Variants in LUC7L2 observed in about 807,000 individuals in gnomAD.
LUC7L2 encodes LUC7 like 2, pre-mRNA splicing factor.
In LUC7L2, 25 loss-of-function variants were observed where a neutral mutation model predicts 52.8. That is an observed-to-expected ratio of 0.47 (90% CI 0.34 to 0.66). The LOEUF (loss-of-function observed/expected upper bound fraction) is 0.66. LUC7L2 is among the 30% of genes least tolerant of loss of function. The pLI, the probability that LUC7L2 is intolerant of heterozygous loss-of-function variation, is 0.01. For synonymous variants in LUC7L2, 144 were observed against 160.9 expected (o/e 0.89, Z 0.80); for missense variants, 328 against 497.8 (o/e 0.66, Z 3.25).
At chr7:139,362,756 C>T (rs1209657853) in intron 1 of LUC7L2, among the ~76,000 whole-genome samples, 1 of 151,824 alleles carries the variant, frequency 6.6e-6, no homozygotes, top group Admixed American at 6.6e-5. Flanking sequence ...GGCACAGAGT[C>T]CTGGGGCTTT....
chr7:139,391,778 G>A (rs1162402540), intron 2 of LUC7L2, among the ~76,000 whole-genome samples: 1 of 151,990 alleles, frequency 6.6e-6, no homozygotes, highest in Admixed American at 6.6e-5. Flanking sequence ...GTAGAGACGG[G>A]GTTTCACCAT....
At chr7:139,385,728 G>C (rs1367513997) in intron 2 of LUC7L2, among the ~76,000 whole-genome samples, 1 of 152,172 alleles carries the variant, frequency 6.6e-6, no homozygotes, top group African/African-American at 2.4e-5. Context: ...GTCTAGTACT[G>C]GTTAATATAT....
At chr7:139,360,345 G>A in intron 1 of LUC7L2, 23 bp downstream of exon 1, 1 of 1,551,548 alleles carries the variant, frequency 6.4e-7, no homozygotes, top group Non-Finnish European at 8.7e-7. Flanking sequence ...CAGGGCCCTG[G>A]GGGTGGGGGA....
At chr7:139,409,348 G>T (rs1264329706) in intron 6 of LUC7L2, among the ~76,000 whole-genome samples, 2 of 151,686 alleles carry the variant, frequency 1.3e-5, no homozygotes, top group East Asian at 3.9e-4. Flanking sequence ...ATGGAGAAAG[G>T]TGAAATTTTA....
At chr7:139,367,607 A>C (rs926945602) in intron 1 of LUC7L2, among the ~76,000 whole-genome samples, 2 of 152,206 alleles carry the variant, frequency 1.3e-5, no homozygotes, top group African/African-American at 2.4e-5. Context: ...CTTTTGTGCA[A>C]ATCTCATACT....
At chr7:139,421,291 T>G (rs1795893545) in intron 9 of LUC7L2, among the ~76,000 whole-genome samples, 2 of 152,186 alleles carry the variant, frequency 1.3e-5, no homozygotes, top group Non-Finnish European at 2.9e-5. Flanking sequence ...TGAATATGGG[T>G]TGAGTGAGAT....
chr7:139,419,157 G>A (rs890895254), intron 9 of LUC7L2, among the ~76,000 whole-genome samples: 24 of 151,498 alleles, frequency 1.6e-4, no homozygotes, highest in African/African-American at 4.4e-4. Flanking sequence ...AGTCTCCTAT[G>A]TGAGTTAGAA....
chr7:139,350,515 C>T (rs1191753416), intron 1 of LUC7L2, among the ~76,000 whole-genome samples: 2 of 151,910 alleles, frequency 1.3e-5, no homozygotes, highest in Non-Finnish European at 2.9e-5. Flanking sequence ...GTCTGGTTTC[C>T]GCCCCTCTAC....
intron 2 of LUC7L2, among the ~76,000 whole-genome samples, chr7:139,397,212 C>A (rs1037078526): frequency 1.3e-5 from 2 of 152,176 alleles, no homozygotes; most frequent in Non-Finnish European, 2.9e-5. Context: ...TCTAAATCTT[C>A]TGTACAACCT....
At chr7:139,406,934 G>A (rs1425828012) in intron 5 of LUC7L2, among the ~76,000 whole-genome samples, 3 of 148,154 alleles carry the variant, frequency 2.0e-5, no homozygotes, top group Admixed American at 6.7e-5. Flanking sequence ...GGAGAGAGGC[G>A]CTAAGGATAG....
chr7:139,398,551 T>C (rs1347439003), intron 2 of LUC7L2, 48 bp from the exon 3 acceptor site: 1 of 1,514,354 alleles, frequency 6.6e-7, no homozygotes, highest in Non-Finnish European at 8.9e-7. Context: ...GAAGCATTTT[T>C]TAAAAAACTT....
intron 4 of LUC7L2, among the ~76,000 whole-genome samples, chr7:139,403,481 A>G (rs1795001163): frequency 6.6e-6 from 1 of 152,214 alleles, no homozygotes; most frequent in Non-Finnish European, 1.5e-5. Flanking sequence ...AATAGATTCC[A>G]TCGTTTGAGA....
intron 2 of LUC7L2, among the ~76,000 whole-genome samples, chr7:139,378,870 T>C (rs1017364402): frequency 5.3e-5 from 8 of 152,222 alleles, no homozygotes; most frequent in African/African-American, 1.9e-4. Context: ...GCTTAAATTC[T>C]GAAAGGTTCA....
chr7:139,418,561 A>G (rs1349491402), intron 9 of LUC7L2, among the ~76,000 whole-genome samples: 1 of 152,228 alleles, frequency 6.6e-6, no homozygotes. Context: ...TACTCCACAT[A>G]AAATCTATAA....
At position 139,417,735 on chromosome 7, in the gene LUC7L2, G is replaced by C; in HGVS notation, c.1001+6G>C. 6.2e-7 allele frequency: 1 copy of C among 1,612,340 alleles called. No homozygotes were observed. The highest frequency in any genetic ancestry group is 8.5e-7 in the Non-Finnish European group (1 of 1,178,538). On this transcript the variant is annotated splice_donor_region_variant and intron_variant, in intron 9 of 9. Transcript: ENST00000354926. The stretch of plus-strand genomic sequence containing the variant: ...AGAGAACGATCCAAGAGGAGGTATT[G>C]ATGTGTCAATCAGAGGATATGGAGC...
intron 1 of LUC7L2, among the ~76,000 whole-genome samples, chr7:139,365,063 C>T (rs1384563335): frequency 1.3e-5 from 2 of 152,196 alleles, no homozygotes; most frequent in Admixed American, 1.3e-4. Context: ...ACAGTAGTTT[C>T]TCTGCGTTTC....
chr7:139,392,450 C>A, intron 2 of LUC7L2: 1 of 408,866 alleles, frequency 2.4e-6, no homozygotes, highest in Non-Finnish European at 4.9e-6. Flanking sequence ...ATATAAAATG[C>A]TGTGGAGCTA....
chr7:139,388,128 T>C (rs1794286868), intron 2 of LUC7L2, among the ~76,000 whole-genome samples: 1 of 152,188 alleles, frequency 6.6e-6, no homozygotes, highest in Non-Finnish European at 1.5e-5. Context: ...ACCTGCTTTC[T>C]GTACTATTGA....
chr7:139,389,065 T>TTA (rs11421117), intron 2 of LUC7L2, among the ~76,000 whole-genome samples: 27 of 151,868 alleles, frequency 1.8e-4, no homozygotes, highest in African/African-American at 2.7e-4. Context: ...TTTTTTTTTT[T>TTA]AATTCTTCGG....
Sources: gnomAD v4.1 joint callset for allele counts (sites outside exome capture counted in the v4.1 genomes callset) on GRCh38, gnomAD v4.1.1 for gene constraint, MANE v1.5 for transcripts, NCBI Gene and HGNC (gene_info 2026-07-23, HGNC 2026-07-21) for gene names.